The following SLCO2A1 variants were observed in gnomAD, a reference collection of about 807,000 sequenced individuals.
SLCO2A1 encodes the protein matrin F/G 1.
Under a neutral mutation model 71.7 loss-of-function variants are expected in SLCO2A1, and 60 were observed. The observed-to-expected ratio is 0.84, with a 90% CI of 0.68 to 1.04. The LOEUF (loss-of-function observed/expected upper bound fraction) is 1.04. Among genes scored for constraint, SLCO2A1 ranks in the 50% least tolerant of loss-of-function variants. SLCO2A1 has a pLI of 0.00. For synonymous variants in SLCO2A1, 308 were observed against 326.7 expected (o/e 0.94, Z 0.62); for missense variants, 745 against 813.4 (o/e 0.92, Z 1.02).
In SLCO2A1 at chr3:133,975,236, CA is replaced by C. The variant is rs1021845786; in HGVS notation, c.235-1412del. Among the ~76,000 whole-genome samples, 18 of 152,292 alleles carry C rather than the reference CA, an allele frequency of 1.2e-4. 1 individual carries two copies. In the Middle Eastern group the frequency reaches 0.01, roughly 86 times the overall value. ...AAACTCTCACTCTTCTTCCTTCCTCCAAAACCCCAGTCCCCTGTCCTGGTCC... is the reference window on the plus strand; with the variant it reads ...AAACTCTCACTCTTCTTCCTTCCTCCAAACCCCAGTCCCCTGTCCTGGTCC... On this transcript the variant is annotated intron_variant, in intron 2 of 13. Coordinates refer to ENST00000310926, the MANE Select transcript of SLCO2A1 (RefSeq NM_005630.3).
At chr3:134,001,932 C>T (rs886702639) in intron 1 of SLCO2A1, among the ~76,000 whole-genome samples, 2 of 152,160 alleles carry the variant, frequency 1.3e-5, no homozygotes, top group Admixed American at 6.5e-5. Context: ...GCGATCGCCA[C>T]CCTCGTGAAA....
chr3:133,981,546 A>C (rs1934591228), intron 1 of SLCO2A1, among the ~76,000 whole-genome samples: 1 of 152,188 alleles, frequency 6.6e-6, no homozygotes, highest in Non-Finnish European at 1.5e-5. Flanking sequence ...AATCAGCAGG[A>C]GTGAAGCCTC....
chr3:133,977,250 G>A (rs1219650680), intron 2 of SLCO2A1, among the ~76,000 whole-genome samples: 1 of 152,210 alleles, frequency 6.6e-6, no homozygotes, highest in African/African-American at 2.4e-5. Context: ...CCACAGGCAT[G>A]AGCTGAATTC....
rs1490264902 is a variant in SLCO2A1, at chr3:134,009,304, T to A, written c.96+20403A>T. Among the ~76,000 whole-genome samples, 3 of 152,222 alleles carry A rather than the reference T, an allele frequency of 2.0e-5. No individual in the cohort carries two copies. The South Asian group carries it at 6.2e-4, about 32-fold the overall frequency. On this transcript the variant is annotated intron_variant, in intron 1 of 13. Transcript: ENST00000310926. ...CTGTGATTTTGACAAATTTGGATCA[T>A]CTCTACATGTGCTTATCCATCCTGC...
At position 133,942,605 on chromosome 3, in the gene SLCO2A1, C is replaced by G. The variant is rs770432752; in HGVS notation, c.1625G>C (p.Arg542Pro). The G allele has an allele frequency of 2.5e-6, 4 of 1,609,770 alleles. No individual in the cohort carries two copies. The highest frequency in any genetic ancestry group is 4.5e-5 in the East Asian group (2 of 44,686). ...AGACTCACAGAGGTTTGCCACTCAC[C>G]GCAGAACCATCATGTAGAGGGGGTT... ...SHNPLYMMVL[R>P]VVNQEEKSFA... The change falls in exon 11 of 14, where the codon CGT becomes CCT. Residue 542 changes from arginine to proline, a missense_variant and splice_region_variant. Transcript: ENST00000310926.
At chr3:133,997,756 A>G (rs1406931791) in intron 1 of SLCO2A1, among the ~76,000 whole-genome samples, 1 of 152,216 alleles carries the variant, frequency 6.6e-6, no homozygotes, top group Non-Finnish European at 1.5e-5. Context: ...CTAAGAAATG[A>G]ATACCCGGGC....
intron 1 of SLCO2A1, among the ~76,000 whole-genome samples, chr3:134,016,859 G>C (rs116692091): frequency 0.011 from 1,614 of 152,226 alleles, 32 homozygotes; most frequent in African/African-American, 0.035. Flanking sequence ...CAATAAAAAG[G>C]AACAAACTAT....
At chr3:133,963,482 C>G (rs775145550) in intron 3 of SLCO2A1, among the ~76,000 whole-genome samples, 1 of 152,220 alleles carries the variant, frequency 6.6e-6, no homozygotes, top group Non-Finnish European at 1.5e-5. Context: ...GCAAGAGGGG[C>G]TTTCCTTTGA....
chr3:133,996,415 G>A (rs931936807), intron 1 of SLCO2A1, among the ~76,000 whole-genome samples: 2 of 152,228 alleles, frequency 1.3e-5, no homozygotes, highest in Non-Finnish European at 2.9e-5. Context: ...CAGAAGGTAG[G>A]ACGGACGTGC....
intron 1 of SLCO2A1, among the ~76,000 whole-genome samples, chr3:134,007,501 T>C (rs1576457092): frequency 1.3e-5 from 2 of 152,214 alleles, no homozygotes; most frequent in Admixed American, 1.3e-4. Flanking sequence ...ATATAGGGCA[T>C]AAAGTAAGCA....
intron 2 of SLCO2A1, among the ~76,000 whole-genome samples, chr3:133,977,111 C>T (rs920342072): frequency 1.3e-4 from 20 of 152,274 alleles, no homozygotes; most frequent in African/African-American, 4.8e-4. Flanking sequence ...CAGGCATATA[C>T]TGTACACAGA....
Position 133,934,353 on chromosome 3 carries a change from C to T in SLCO2A1, c.*360G>A, listed in dbSNP as rs1273348113. 6.0e-6 allele frequency: 1 copy of T among 165,336 alleles called. No individual in the cohort carries two copies. The highest frequency in any genetic ancestry group is 2.4e-5 in the African/African-American group (1 of 41,860). 10.2% of individuals were successfully genotyped at this position (165,336 alleles called of 1,614,324 possible). On this transcript the variant is annotated 3_prime_UTR_variant, in exon 14 of 14. Coordinates refer to ENST00000310926, the MANE Select transcript of SLCO2A1 (RefSeq NM_005630.3). The stretch of plus-strand genomic sequence containing the variant: ...CTGCCTGGCAAGAAGGGCAGATACC[C>T]TTTTTCTCTCTCTGTTTAGGATTCC...
In SLCO2A1 at chr3:134,010,134, CAT is replaced by C. The variant is rs560055142; in HGVS notation, c.96+19571_96+19572del. 1.5e-3 allele frequency among the ~76,000 whole-genome samples: 223 copies of C among 152,300 alleles called. No individual in the cohort carries two copies. The Middle Eastern group carries it at 0.017, about 12-fold the overall frequency. The stretch of plus-strand genomic sequence containing the variant: ...CCATACACCACCCTATGTTTTACCA[CAT>C]GTGTGTCCTAATGAAATGTGCCCAT... On this transcript the variant is annotated intron_variant, in intron 1 of 13. Transcript: ENST00000310926.
At chr3:133,970,442 G>A (rs1486394244) in intron 3 of SLCO2A1, among the ~76,000 whole-genome samples, 3 of 152,200 alleles carry the variant, frequency 2.0e-5, no homozygotes, top group Admixed American at 2.0e-4. Flanking sequence ...TGTTCCTGAC[G>A]ACCTTGCATG....
intron 3 of SLCO2A1, among the ~76,000 whole-genome samples, chr3:133,957,439 A>G (rs935559885): frequency 5.9e-5 from 9 of 152,206 alleles, no homozygotes; most frequent in Admixed American, 1.3e-4. Context: ...AGGAGACTAC[A>G]TAAGACCATA....
chr3:133,941,527 GGTGA>G (rs1306743249), intron 11 of SLCO2A1, among the ~76,000 whole-genome samples: 2 of 151,970 alleles, frequency 1.3e-5, no homozygotes, highest in Non-Finnish European at 1.5e-5. Flanking sequence ...CTGCTTGCGA[GGTGA>G]GTGAGGACAG....
chr3:134,024,212 T>A (rs1227977162), intron 1 of SLCO2A1, among the ~76,000 whole-genome samples: 2 of 152,232 alleles, frequency 1.3e-5, no homozygotes, highest in Non-Finnish European at 1.5e-5. Flanking sequence ...CCTTTCACCC[T>A]GGCATTTCAT....
chr3:133,955,211 G>C lies in SLCO2A1; in HGVS notation c.398-18C>G. 9 of 1,602,656 alleles carry C rather than the reference G, an allele frequency of 5.6e-6. No homozygotes were observed. The highest frequency in any genetic ancestry group is 7.7e-6 in the Non-Finnish European group (9 of 1,173,320). ...GTTGTTCCCTGCAACGAGAGTGCTT[G>C]CTGGTCTCCACCACCCTGGTCTCCT... On this transcript the variant is annotated intron_variant, in intron 3 of 13. Transcript: ENST00000310926.
chr3:133,933,679 T>G lies in SLCO2A1; in HGVS notation c.*1034A>C, dbSNP rs991860451. 1 of 152,250 alleles carries G rather than the reference T, an allele frequency of 6.6e-6. No individual in the cohort carries two copies. Among genetic ancestry groups the G allele is most frequent in the African/African-American group, 2.4e-5 (1 of 41,450 alleles). 9.4% of individuals were successfully genotyped at this position (152,250 alleles called of 1,614,324 possible). A position where few individuals can be genotyped will look rare whatever the true frequency, so the allele number is the denominator to read the frequency against. On this transcript the variant is annotated 3_prime_UTR_variant, in exon 14 of 14. Transcript: ENST00000310926. ...TGTGGGCCGCAGCTTGCCATCCAGCTTGGTGACAGTGGACATCCACTCTGC... is the reference window on the plus strand; with the variant it reads ...TGTGGGCCGCAGCTTGCCATCCAGCGTGGTGACAGTGGACATCCACTCTGC...
Sources: allele counts gnomAD v4.1 joint callset (sites outside exome capture counted in the v4.1 genomes callset), GRCh38; gene constraint gnomAD v4.1.1; transcripts MANE v1.5; gene names NCBI Gene and HGNC (gene_info 2026-07-23, HGNC 2026-07-21).